Variants in DIS3L2 observed in about 807,000 individuals in gnomAD.
The protein encoded by DIS3L2 is DIS3-like exonuclease 2.
In DIS3L2, 34 loss-of-function variants were observed where a neutral mutation model predicts 97.5. The ratio of observed to expected loss-of-function variants is 0.35; its 90% confidence interval spans 0.27 to 0.46. DIS3L2 has a LOEUF of 0.46. DIS3L2 is among the 20% of genes least tolerant of loss of function. DIS3L2 has a pLI of 1.00. For synonymous variants in DIS3L2, 435 were observed against 445.2 expected (o/e 0.98, Z 0.29); for missense variants, 1,038 against 1,146.0 (o/e 0.91, Z 1.36).
At chr2:232,238,287 G>T (rs980303913) in intron 10 of DIS3L2, among the ~76,000 whole-genome samples, 1 of 152,154 alleles carries the variant, frequency 6.6e-6, no homozygotes, top group African/African-American at 2.4e-5. Flanking sequence ...AACATCTTGG[G>T]AAAGTGGTTA....
chr2:232,222,790 C>G (rs1239922667), intron 10 of DIS3L2, among the ~76,000 whole-genome samples: 4 of 152,144 alleles, frequency 2.6e-5, no homozygotes, highest in Admixed American at 2.6e-4. Flanking sequence ...TTTTAACTGT[C>G]CTTGTTGTAT....
chr2:232,314,645 G>A (rs754263678), intron 14 of DIS3L2, among the ~76,000 whole-genome samples: 11 of 152,178 alleles, frequency 7.2e-5, no homozygotes, highest in Non-Finnish European at 1.0e-4. Context: ...TTTCATTGTC[G>A]ATTTAACATA....
At chr2:232,128,910 A>G (rs1182440756) in intron 6 of DIS3L2, among the ~76,000 whole-genome samples, 2 of 152,190 alleles carry the variant, frequency 1.3e-5, no homozygotes, top group African/African-American at 2.4e-5. Context: ...ATTTATTAGA[A>G]TGTAACTTTG....
chr2:231,968,938 T>G (rs930369925), intron 1 of DIS3L2, among the ~76,000 whole-genome samples: 2 of 152,200 alleles, frequency 1.3e-5, no homozygotes, highest in Non-Finnish European at 1.5e-5. Context: ...CCCCATGCTG[T>G]TCTTGTAATA....
intron 1 of DIS3L2, among the ~76,000 whole-genome samples, chr2:231,999,982 C>T (rs904199156): frequency 6.6e-6 from 1 of 152,024 alleles, no homozygotes; most frequent in African/African-American, 2.4e-5. Flanking sequence ...TAGCAATTTT[C>T]AAGTATACTT....
Position 232,266,543 on chromosome 2 carries a change from A to G in DIS3L2, c.1659+3103A>G, listed in dbSNP as rs145805429. 8.5e-5 allele frequency among the ~76,000 whole-genome samples: 13 copies of G among 152,294 alleles called. No homozygotes were observed. In the East Asian group the frequency reaches 2.5e-3, roughly 29 times the overall value. ...TGGAGTTGATTCCTTGGTTCCCCCGAAAACAAGTCCATGGACCCCAGCTTT... is the reference window on the plus strand; with the variant it reads ...TGGAGTTGATTCCTTGGTTCCCCCGGAAACAAGTCCATGGACCCCAGCTTT... On this transcript the variant is annotated intron_variant, in intron 13 of 20. Coordinates refer to ENST00000325385, the MANE Select transcript of DIS3L2 (RefSeq NM_152383.5).
At chr2:232,191,080 A>G (rs1453690872) in intron 9 of DIS3L2, among the ~76,000 whole-genome samples, 1 of 152,202 alleles carries the variant, frequency 6.6e-6, no homozygotes, top group Non-Finnish European at 1.5e-5. Context: ...AAGCCAGATT[A>G]TAGTCAACTG....
rs571383065 is a variant in DIS3L2, at chr2:232,035,519, G to A, written c.366+5439G>A. Among the ~76,000 whole-genome samples the A allele has an allele frequency of 4.6e-5, 7 of 152,290 alleles. No homozygotes were observed. The East Asian group carries it at 7.7e-4, about 17-fold the overall frequency. On this transcript the variant is annotated intron_variant, in intron 5 of 20. Coordinates refer to ENST00000325385, the MANE Select transcript of DIS3L2 (RefSeq NM_152383.5). ...TTACATTTAAGTTTAATATTGTTTTGTGTGAATTTGATCCTGTCATTACGA... is the reference window on the plus strand; with the variant it reads ...TTACATTTAAGTTTAATATTGTTTTATGTGAATTTGATCCTGTCATTACGA...
chr2:232,298,027 T>C (rs1487859863), intron 13 of DIS3L2, among the ~76,000 whole-genome samples: 1 of 152,186 alleles, frequency 6.6e-6, no homozygotes, highest in African/African-American at 2.4e-5. Context: ...TCTTTGTCCT[T>C]TTTTACATAG....
intron 10 of DIS3L2, among the ~76,000 whole-genome samples, chr2:232,214,774 T>C (rs963076091): frequency 1.3e-5 from 2 of 152,218 alleles, no homozygotes; most frequent in African/African-American, 4.8e-5. Context: ...TGCCTTAGTC[T>C]CTGAGGGAAA....
intron 8 of DIS3L2, among the ~76,000 whole-genome samples, chr2:232,155,283 C>G (rs1455558763): frequency 6.6e-6 from 1 of 152,148 alleles, no homozygotes; most frequent in Non-Finnish European, 1.5e-5. Flanking sequence ...GTTTTAACAA[C>G]TAATATCAGG....
At chr2:232,296,281 A>G (rs1288976259) in intron 13 of DIS3L2, among the ~76,000 whole-genome samples, 1 of 152,254 alleles carries the variant, frequency 6.6e-6, no homozygotes, top group African/African-American at 2.4e-5. Context: ...GGTGAGGTGA[A>G]AGGAGCATGG....
chr2:231,994,042 A>G (rs1693659666), intron 1 of DIS3L2, among the ~76,000 whole-genome samples: 1 of 141,122 alleles, frequency 7.1e-6, no homozygotes, highest in South Asian at 2.3e-4. Flanking sequence ...GTTAATTTTT[A>G]TATATGGTCT....
In DIS3L2 at chr2:232,067,948, C is replaced by CA. The variant is rs530595427; in HGVS notation, c.367-19538dup. On this transcript the variant is annotated intron_variant, in intron 5 of 20. Coordinates refer to ENST00000325385, the MANE Select transcript of DIS3L2 (RefSeq NM_152383.5). ...TTCAAAGATGGGAGGTAATAGAGAA[C>CA]ATTTGTGTGCTGATATGAGAAAGAT... 2.6e-3 allele frequency among the ~76,000 whole-genome samples: 391 copies of CA among 152,040 alleles called. 4 individuals carry two copies. The highest frequency in any genetic ancestry group is 2.9e-3 in the Admixed American group (45 of 15,264).
intron 11 of DIS3L2, among the ~76,000 whole-genome samples, chr2:232,247,616 C>CGGTG (rs1559173558): frequency 6.1e-4 from 4 of 6,526 alleles, no homozygotes; most frequent in Non-Finnish European, 1.3e-3. Context: ...ATAACTGCCG[C>CGGTG]GGGGGGGGGG....
chr2:232,156,332 T>C (rs1009213038), intron 8 of DIS3L2, among the ~76,000 whole-genome samples: 1 of 152,212 alleles, frequency 6.6e-6, no homozygotes, highest in Non-Finnish European at 1.5e-5. Flanking sequence ...ACTTATTCCT[T>C]ATGCACTTGC....
intron 9 of DIS3L2, among the ~76,000 whole-genome samples, chr2:232,195,302 G>C (rs1459647682): frequency 6.6e-6 from 1 of 152,174 alleles, no homozygotes. Flanking sequence ...TGCCCAGATA[G>C]AGCCAATTAG....
At chr2:232,147,520 T>C (rs558378879) in intron 8 of DIS3L2, among the ~76,000 whole-genome samples, 4 of 152,352 alleles carry the variant, frequency 2.6e-5, no homozygotes, top group Admixed American at 2.6e-4. Context: ...TCCTCTTGAC[T>C]ATGAGAGCTT....
intron 7 of DIS3L2, chr2:232,131,803 T>C (rs1698224368): frequency 6.6e-6 from 1 of 151,992 alleles, no homozygotes; most frequent in Non-Finnish European, 1.5e-5. Flanking sequence ...CTCTATATAT[T>C]TGAGTACTAA....
Sources: allele counts gnomAD v4.1 joint callset (sites outside exome capture counted in the v4.1 genomes callset), GRCh38; gene constraint gnomAD v4.1.1; transcripts MANE v1.5; gene names NCBI Gene and HGNC (gene_info 2026-07-23, HGNC 2026-07-21).